Variants in SOBP observed in about 807,000 individuals in gnomAD.
SOBP encodes sine oculis binding protein homolog.
A neutral mutation model predicts 53.6 loss-of-function variants in SOBP; 4 were observed. The ratio of observed to expected loss-of-function variants is 0.07; its 90% CI spans 0.04 to 0.17. The LOEUF (loss-of-function observed/expected upper bound fraction) is 0.17. SOBP is among the 10% of genes least tolerant of loss of function. The pLI is 1.00. For missense variants in SOBP, 1,088 were observed against 1,204.7 expected (o/e 0.90, Z 1.43); for synonymous variants, 584 against 522.6 (o/e 1.12, Z -1.60).
At chr6:107,559,063 CTT>C (rs1417791839) in intron 4 of SOBP, among the ~76,000 whole-genome samples, 2 of 152,072 alleles carry the variant, frequency 1.3e-5, no homozygotes, top group Non-Finnish European at 2.9e-5. Context: ...ATGAAAATTT[CTT>C]GATAAGTATT....
chr6:107,625,437 C>G (rs1479883847), intron 5 of SOBP, among the ~76,000 whole-genome samples: 2 of 152,216 alleles, frequency 1.3e-5, no homozygotes, highest in African/African-American at 2.4e-5. Flanking sequence ...CCCAAGCAAT[C>G]AGTATGTAGT....
chr6:107,516,314 T>C (rs1392119335), intron 3 of SOBP, among the ~76,000 whole-genome samples: 1 of 151,866 alleles, frequency 6.6e-6, no homozygotes, highest in East Asian at 1.9e-4. Flanking sequence ...ATACAAAAAT[T>C]AGTAGGGTGT....
At chr6:107,504,936 C>G (rs1369514727) in intron 2 of SOBP, among the ~76,000 whole-genome samples, 1 of 152,146 alleles carries the variant, frequency 6.6e-6, no homozygotes, top group East Asian at 1.9e-4. Flanking sequence ...ATCTTTGCTT[C>G]TGGGGAACAT....
Position 107,509,845 on chromosome 6 carries a change from A to G in SOBP, c.421+3418A>G, listed in dbSNP as rs558212151. 2.6e-5 allele frequency: 4 copies of G among 152,324 alleles called. No individual in the cohort carries two copies. The East Asian group carries it at 7.7e-4, about 29-fold the overall frequency. The allele number at this position is 152,324 out of a possible 1,614,324, so 9.4% of individuals were successfully genotyped here. ...TTTTATTGGTTTTGTGCTGTCTTCC[A>G]TGGAATTCCAGGGCGCTCATCTGTT... On this transcript the variant is annotated intron_variant, in intron 3 of 6. Transcript: ENST00000317357.
chr6:107,606,070 CTTTTTTTTTTTT>C (rs11298151), intron 5 of SOBP, among the ~76,000 whole-genome samples: 1 of 62,858 alleles, frequency 1.6e-5, no homozygotes, highest in African/African-American at 5.5e-5. Flanking sequence ...AGATAGGCTC[CTTTTTTTTTTTT>C]TTTTTTTTTT....
At chr6:107,554,341 G>C (rs1163259661) in intron 4 of SOBP, among the ~76,000 whole-genome samples, 1 of 152,176 alleles carries the variant, frequency 6.6e-6, no homozygotes, top group East Asian at 1.9e-4. Context: ...ATGTTAAGGA[G>C]AGCTTCTTCC....
intron 1 of SOBP, among the ~76,000 whole-genome samples, chr6:107,498,642 A>G (rs1006360527): frequency 6.6e-6 from 1 of 152,222 alleles, no homozygotes; most frequent in Non-Finnish European, 1.5e-5. Flanking sequence ...TTCCAGTTGA[A>G]TAAGGAAGGT....
At chr6:107,502,510 C>T (rs1254698349) in intron 1 of SOBP, among the ~76,000 whole-genome samples, 1 of 151,890 alleles carries the variant, frequency 6.6e-6, no homozygotes. Context: ...TAAATCTGTC[C>T]AATTATACTT....
chr6:107,543,409 C>T lies in SOBP; in HGVS notation c.573+9799C>T, dbSNP rs573633995. ...AAAAAAGAGTCTTGAAATTCATACT[C>T]ATTGTCTATGCTTACATTACATGCT... is the stretch of plus-strand genomic sequence containing the variant. On this transcript the variant is annotated intron_variant, in intron 4 of 6. Coordinates refer to ENST00000317357, the MANE Select transcript of SOBP (RefSeq NM_018013.4). Among the ~76,000 whole-genome samples, 100 of 152,330 alleles carry T rather than the reference C, an allele frequency of 6.6e-4. 1 individual carries two copies. The highest frequency in any genetic ancestry group is 1.2e-3 in the Non-Finnish European group (84 of 68,038).
intron 1 of SOBP, 110 bp from the exon 2 acceptor site, chr6:107,503,547 G>A: frequency 1.7e-6 from 2 of 1,202,000 alleles, no homozygotes; most frequent in Non-Finnish European, 2.4e-6. Context: ...TAGGGGAAGT[G>A]AGGCAGGGCT....
intron 5 of SOBP, among the ~76,000 whole-genome samples, chr6:107,602,161 A>G (rs1786204015): frequency 6.6e-6 from 1 of 152,258 alleles, no homozygotes; most frequent in South Asian, 2.1e-4. Context: ...CATCTAGTCC[A>G]CATGATATAG....
chr6:107,540,411 A>G (rs1784117407), intron 4 of SOBP, among the ~76,000 whole-genome samples: 1 of 152,238 alleles, frequency 6.6e-6, no homozygotes, highest in South Asian at 2.1e-4. Flanking sequence ...CTTGCTACAG[A>G]TGGTCACTTC....
At chr6:107,563,283 C>T (rs1179661115) in intron 4 of SOBP, among the ~76,000 whole-genome samples, 2 of 151,890 alleles carry the variant, frequency 1.3e-5, no homozygotes, top group East Asian at 1.9e-4. Context: ...TAAGAATAAT[C>T]GATTGTAGGA....
intron 5 of SOBP, among the ~76,000 whole-genome samples, chr6:107,587,611 C>G (rs969316147): frequency 5.3e-5 from 8 of 152,118 alleles, no homozygotes; most frequent in Non-Finnish European, 1.2e-4. Flanking sequence ...ACGCAGTACT[C>G]CCTTTAGAAT....
intron 4 of SOBP, among the ~76,000 whole-genome samples, chr6:107,548,979 A>G (rs186577531): frequency 6.6e-6 from 1 of 152,238 alleles, no homozygotes; most frequent in East Asian, 1.9e-4. Flanking sequence ...TTAAAAACAG[A>G]TAAACCGGCC....
At chr6:107,549,724 G>A (rs1185472005) in intron 4 of SOBP, among the ~76,000 whole-genome samples, 1 of 152,090 alleles carries the variant, frequency 6.6e-6, no homozygotes, top group Non-Finnish European at 1.5e-5. Context: ...GATGTTTGAT[G>A]TTCCATGGCC....
At chr6:107,554,860 G>T (rs994424685) in intron 4 of SOBP, among the ~76,000 whole-genome samples, 6 of 152,196 alleles carry the variant, frequency 3.9e-5, no homozygotes, top group African/African-American at 1.4e-4. Flanking sequence ...GGGCTGGGAT[G>T]GGGGGTGGGA....
chr6:107,503,956 C>T (rs1389726927), intron 2 of SOBP, among the ~76,000 whole-genome samples, 161 bp downstream of exon 2: 5 of 152,236 alleles, frequency 3.3e-5, no homozygotes, highest in Non-Finnish European at 1.5e-5. Context: ...AAGCAGAATT[C>T]TGCAGAATAT....
chr6:107,513,145 C>T (rs904174886), intron 3 of SOBP, among the ~76,000 whole-genome samples: 2 of 152,144 alleles, frequency 1.3e-5, no homozygotes, highest in Non-Finnish European at 2.9e-5. Context: ...AACATAAGAT[C>T]GATCCCCTAA....
Sources: allele counts gnomAD v4.1 joint callset (sites outside exome capture counted in the v4.1 genomes callset), GRCh38; gene constraint gnomAD v4.1.1; transcripts MANE v1.5; gene names NCBI Gene and HGNC (gene_info 2026-07-23, HGNC 2026-07-21).